SUCLG2: variants seen among roughly 807,000 people sequenced by gnomAD.
SUCLG2 encodes succinate--CoA ligase [GDP-forming] subunit beta, mitochondrial.
A neutral mutation model predicts 47.9 loss-of-function variants in SUCLG2; 42 were observed. The observed-to-expected ratio is 0.88, with a 90% CI of 0.69 to 1.14. The LOEUF (loss-of-function observed/expected upper bound fraction) is 1.14, where lower values mean the gene tolerates loss of function less well. Among genes scored for constraint, SUCLG2 ranks in the 50% most tolerant of loss-of-function variants. The probability of loss-of-function intolerance (pLI) is 0.00; values close to 1 mark genes in which losing one functional copy is unlikely to be tolerated. For missense variants in SUCLG2, 571 were observed against 525.9 expected, an observed-to-expected ratio of 1.09 and a Z score of -0.84; for synonymous variants, 195 against 197.3, an observed-to-expected ratio of 0.99 and a Z score of 0.10.
chr3:67,652,514 T>C (rs1440333801), intron 1 of SUCLG2, among the ~76,000 whole-genome samples: 3 of 152,118 alleles, frequency 2.0e-5, no homozygotes, highest in East Asian at 1.9e-4. Flanking sequence ...AAACAGATCA[T>C]AGGAAGCACC....
intron 1 of SUCLG2, among the ~76,000 whole-genome samples, chr3:67,618,121 C>T (rs1302339195): frequency 6.6e-6 from 1 of 152,158 alleles, no homozygotes; most frequent in Non-Finnish European, 1.5e-5. Context: ...CAGAAAGCAT[C>T]TTAAAATGTG....
intron 1 of SUCLG2, among the ~76,000 whole-genome samples, chr3:67,616,132 T>C (rs1700624270): frequency 6.6e-6 from 1 of 151,936 alleles, no homozygotes. Context: ...GTGGAGATGG[T>C]GGAATCACAG....
chr3:67,531,403 G>C (rs1706400798), intron 2 of SUCLG2, among the ~76,000 whole-genome samples: 1 of 152,170 alleles, frequency 6.6e-6, no homozygotes, highest in Non-Finnish European at 1.5e-5. Context: ...GAAAGCCAGA[G>C]AGAATACCTA....
At chr3:67,573,837 G>T (rs1043885900) in intron 2 of SUCLG2, among the ~76,000 whole-genome samples, 1 of 151,868 alleles carries the variant, frequency 6.6e-6, no homozygotes, top group Non-Finnish European at 1.5e-5. Flanking sequence ...AATTGTCTGC[G>T]AGCCTGAATT....
intron 1 of SUCLG2, among the ~76,000 whole-genome samples, chr3:67,638,270 C>CA (rs2107363822): frequency 6.6e-6 from 1 of 152,254 alleles, no homozygotes; most frequent in South Asian, 2.1e-4. Context: ...TGCTGAGTGT[C>CA]AAAGAGAAAA....
chr3:67,420,764 T>C (rs1003455136), intron 9 of SUCLG2, among the ~76,000 whole-genome samples: 4 of 152,176 alleles, frequency 2.6e-5, no homozygotes, highest in Admixed American at 6.5e-5. Flanking sequence ...CACAAAGACA[T>C]ACACCATATG....
intron 2 of SUCLG2, among the ~76,000 whole-genome samples, chr3:67,567,682 C>A (rs1707494805): frequency 6.6e-6 from 1 of 152,112 alleles, no homozygotes; most frequent in South Asian, 2.1e-4. Context: ...TACAGAAAAA[C>A]TTCATTTCCT....
chr3:67,396,974 C>T (rs1346814630), intron 10 of SUCLG2, among the ~76,000 whole-genome samples: 1 of 150,966 alleles, frequency 6.6e-6, no homozygotes, highest in Non-Finnish European at 1.5e-5. Flanking sequence ...ATTCAACAAC[C>T]CTTCATGCTA....
Position 67,375,002 on chromosome 3 carries a change from A to C in SUCLG2, c.*742T>G. On this transcript the variant is annotated 3_prime_UTR_variant, in exon 11 of 11. Transcript: ENST00000307227. ...CTTAATAACAGAGATTTCCATAAGA[A>C]TCAGGATTCATTTTTGACACAAAAA... 1.0e-6 allele frequency: 1 copy of C among 985,810 alleles called. No individual in the cohort carries two copies. Among genetic ancestry groups the C allele is most frequent in the Non-Finnish European group, 1.2e-6 (1 of 829,920 alleles). 61.1% of individuals were successfully genotyped at this position (985,810 alleles called of 1,614,324 possible).
intron 2 of SUCLG2, among the ~76,000 whole-genome samples, chr3:67,538,166 T>C (rs948814339): frequency 3.9e-5 from 6 of 152,340 alleles, no homozygotes; most frequent in South Asian, 4.1e-4. Context: ...CTGAATGGTA[T>C]TGCCTAGGCT....
Position 67,399,864 on chromosome 3 carries a change from A to G in SUCLG2, c.1183+867T>C, listed in dbSNP as rs958834703. Among the ~76,000 whole-genome samples the G allele has an allele frequency of 3.9e-5, 6 of 152,196 alleles. 1 individual carries two copies. ...TTTAGTGTAGTACCAAAGAATATTCAGAACTATATGAAAAGAGCATTAAAA... is the reference window on the plus strand; with the variant it reads ...TTTAGTGTAGTACCAAAGAATATTCGGAACTATATGAAAAGAGCATTAAAA... On this transcript the variant is annotated intron_variant, in intron 10 of 10. Coordinates refer to ENST00000307227, the MANE Select transcript of SUCLG2 (RefSeq NM_003848.4).
At chr3:67,645,943 T>C (rs1453717722) in intron 1 of SUCLG2, among the ~76,000 whole-genome samples, 3 of 151,516 alleles carry the variant, frequency 2.0e-5, no homozygotes, top group African/African-American at 7.3e-5. Flanking sequence ...TAGTTCCTTA[T>C]AAAAATGTGA....
intron 4 of SUCLG2, among the ~76,000 whole-genome samples, chr3:67,522,882 T>C (rs1478354659): frequency 6.6e-6 from 1 of 152,038 alleles, no homozygotes; most frequent in Non-Finnish European, 1.5e-5. Context: ...AGCCAGATGG[T>C]CTCAATCTCC....
Position 67,522,779 on chromosome 3 carries a change from T to C in SUCLG2, c.418-2145A>G, listed in dbSNP as rs138465377. ...ACCAGATTTACGCCATTCTCCTGCCTCAGCCTCCCAAGTAGCTGGGACTAC... is the reference window on the plus strand; with the variant it reads ...ACCAGATTTACGCCATTCTCCTGCCCCAGCCTCCCAAGTAGCTGGGACTAC... On this transcript the variant is annotated intron_variant, in intron 4 of 10. Transcript: ENST00000307227. Among the ~76,000 whole-genome samples the C allele has an allele frequency of 4.8e-3, 720 of 150,582 alleles. 12 individuals are homozygous for C. Among genetic ancestry groups the C allele is most frequent in the African/African-American group, 0.017 (694 of 40,410 alleles).
intron 6 of SUCLG2, among the ~76,000 whole-genome samples, chr3:67,509,789 C>G (rs1705735692): frequency 6.6e-6 from 1 of 152,206 alleles, no homozygotes; most frequent in Non-Finnish European, 1.5e-5. Context: ...TTCCCACTGC[C>G]ACATTTCACT....
chr3:67,638,332 C>T (rs975046249), intron 1 of SUCLG2, among the ~76,000 whole-genome samples: 5 of 152,212 alleles, frequency 3.3e-5, no homozygotes, highest in African/African-American at 1.2e-4. Context: ...GGTCTCTCCA[C>T]TGCAAAGGCC....
At chr3:67,514,025 C>T (rs1705870439) in intron 6 of SUCLG2, 4 of 346,608 alleles carry the variant, frequency 1.2e-5, no homozygotes, top group South Asian at 1.0e-4. Flanking sequence ...TCCCTGGAAA[C>T]CCAGCAGGCG....
chr3:67,567,442 C>T (rs1456450246), intron 2 of SUCLG2, among the ~76,000 whole-genome samples: 1 of 151,898 alleles, frequency 6.6e-6, no homozygotes, highest in Non-Finnish European at 1.5e-5. Context: ...GCTACAGGTG[C>T]ACACCACCAC....
At chr3:67,409,481 C>G (rs556054360) in intron 9 of SUCLG2, among the ~76,000 whole-genome samples, 1 of 152,076 alleles carries the variant, frequency 6.6e-6, no homozygotes, top group Admixed American at 6.6e-5. Flanking sequence ...GATGGGGGCA[C>G]ATTCTAGTTA....
Sources: gnomAD v4.1 joint callset for allele counts (sites outside exome capture counted in the v4.1 genomes callset) on GRCh38, gnomAD v4.1.1 for gene constraint, MANE v1.5 for transcripts, NCBI Gene and HGNC (gene_info 2026-07-23, HGNC 2026-07-21) for gene names.